The following MED13L variants were observed in gnomAD, a reference collection of about 807,000 sequenced individuals.
MED13L encodes the protein mediator complex subunit 13L, also known as mediator of RNA polymerase II transcription subunit 13-like.
A neutral mutation model predicts 220.9 loss-of-function variants in MED13L; 7 were observed. That is an observed-to-expected ratio of 0.03 (90% CI 0.02 to 0.06). The LOEUF is 0.06. Among genes scored for constraint, MED13L ranks in the 10% least tolerant of loss-of-function variants. MED13L has a pLI of 1.00. For missense variants in MED13L, 1,965 were observed against 2,760.5 expected (o/e 0.71, Z 6.46); for synonymous variants, 1,011 against 1,015.2 (o/e 1.00, Z 0.08).
At position 116,124,152 on chromosome 12, in the gene MED13L, C is replaced by CAGAGACAGACAGAGAGAGACAGAG. The variant is rs1875363653; in HGVS notation, c.311-12641_311-12640insCTCTGTCTCTCTCTGTCTGTCTCT. ...AGAGAGAGAGAGAGAGAGAGAGAGA[C>CAGAGACAGACAGAGAGAGACAGAG]AGAGACAGAGAGAGACAGAGAGAGA... is the stretch of plus-strand genomic sequence containing the variant. On this transcript the variant is annotated intron_variant, in intron 2 of 30. Transcript: ENST00000281928. Among the ~76,000 whole-genome samples the CAGAGACAGACAGAGAGAGACAGAG allele has an allele frequency of 2.9e-4, 32 of 108,734 alleles. No homozygotes were observed. The South Asian group carries it at 3.9e-3, about 13-fold the overall frequency. 71.3% of individuals were successfully genotyped at this position (108,734 alleles called of 152,430 possible).
At chr12:116,025,137 C>T (rs1880310144) in intron 4 of MED13L, among the ~76,000 whole-genome samples, 1 of 152,092 alleles carries the variant, frequency 6.6e-6, no homozygotes, top group Non-Finnish European at 1.5e-5. Context: ...AAATGTTCAA[C>T]ATGAGTAATC....
chr12:116,137,515 TCA>T (rs1424502268), intron 2 of MED13L, among the ~76,000 whole-genome samples: 2 of 152,096 alleles, frequency 1.3e-5, no homozygotes, highest in Non-Finnish European at 2.9e-5. Flanking sequence ...CTTTGGAAAC[TCA>T]CGGGGTTTCA....
intron 4 of MED13L, among the ~76,000 whole-genome samples, chr12:116,068,201 T>C (rs1870098211): frequency 6.6e-6 from 1 of 152,140 alleles, no homozygotes; most frequent in South Asian, 2.1e-4. Context: ...TCTATGTGCC[T>C]GCCGTAATCA....
chr12:116,045,572 T>C (rs149606655), intron 4 of MED13L, among the ~76,000 whole-genome samples: 108 of 152,296 alleles, frequency 7.1e-4, no homozygotes, highest in Non-Finnish European at 1.3e-3. Flanking sequence ...TGGTATGACA[T>C]AAAATATGAG....
chr12:116,258,911 A>T (rs974040284), intron 1 of MED13L, among the ~76,000 whole-genome samples: 7 of 150,868 alleles, frequency 4.6e-5, no homozygotes, highest in Non-Finnish European at 7.4e-5. Flanking sequence ...AAATTTAAAT[A>T]TTGAGGGTTT....
At chr12:116,215,355 A>C (rs1392964811) in intron 2 of MED13L, among the ~76,000 whole-genome samples, 2 of 152,232 alleles carry the variant, frequency 1.3e-5, no homozygotes, top group African/African-American at 4.8e-5. Flanking sequence ...GAACCTTCAA[A>C]GCCTTTGTCC....
chr12:116,179,511 G>A (rs1162644517), intron 2 of MED13L, among the ~76,000 whole-genome samples: 1 of 151,928 alleles, frequency 6.6e-6, no homozygotes, highest in Non-Finnish European at 1.5e-5. Flanking sequence ...CAGCTACTTG[G>A]GAGGCTGAGG....
intron 4 of MED13L, among the ~76,000 whole-genome samples, chr12:116,073,742 AT>A (rs948226770): frequency 2.0e-5 from 3 of 152,178 alleles, no homozygotes; most frequent in Non-Finnish European, 2.9e-5. Flanking sequence ...CAGTAACTAA[AT>A]TTTTGAAATC....
At chr12:116,168,278 C>T (rs1879429230) in intron 2 of MED13L, among the ~76,000 whole-genome samples, 1 of 151,664 alleles carries the variant, frequency 6.6e-6, no homozygotes, top group Admixed American at 6.6e-5. Context: ...AAGTAACATG[C>T]CTTTTATTTA....
chr12:116,176,094 G>C (rs1880044037), intron 2 of MED13L, among the ~76,000 whole-genome samples: 1 of 152,096 alleles, frequency 6.6e-6, no homozygotes, highest in African/African-American at 2.4e-5. Flanking sequence ...AGTGGATCAG[G>C]AATAAAACTG....
intron 4 of MED13L, among the ~76,000 whole-genome samples, chr12:116,070,545 G>A (rs1265875478): frequency 6.6e-6 from 1 of 152,104 alleles, no homozygotes; most frequent in Non-Finnish European, 1.5e-5. Flanking sequence ...TCGAATGCAG[G>A]CAGTCTAGCC....
At chr12:116,239,270 T>A (rs549827204) in intron 1 of MED13L, among the ~76,000 whole-genome samples, 74 of 152,336 alleles carry the variant, frequency 4.9e-4, no homozygotes, top group Admixed American at 2.0e-3. Flanking sequence ...ATATGTTTAG[T>A]AAAAAGCTGG....
chr12:115,968,861 C>G (rs1242170791), intron 28 of MED13L, 79 bp downstream of exon 28: 4 of 1,554,618 alleles, frequency 2.6e-6, no homozygotes, highest in Non-Finnish European at 3.5e-6. Flanking sequence ...CAAGTAGGAA[C>G]AAGATGATCA....
chr12:116,089,281 C>G (rs1871982122), intron 4 of MED13L, among the ~76,000 whole-genome samples: 1 of 152,164 alleles, frequency 6.6e-6, no homozygotes, highest in South Asian at 2.1e-4. Context: ...AACTCCTGAA[C>G]TCCTGGGCTC....
intron 23 of MED13L, among the ~76,000 whole-genome samples, chr12:115,978,609 G>A (rs1317864811): frequency 6.6e-6 from 1 of 152,144 alleles, no homozygotes; most frequent in Non-Finnish European, 1.5e-5. Context: ...TTATAGGCAT[G>A]AGCCACCGCG....
chr12:116,038,032 G>A (rs1881289331), intron 4 of MED13L, among the ~76,000 whole-genome samples: 1 of 152,156 alleles, frequency 6.6e-6, no homozygotes, highest in Non-Finnish European at 1.5e-5. Flanking sequence ...AGATTATCTA[G>A]TCACAGTCTC....
At position 115,968,922 on chromosome 12, in the gene MED13L, A is replaced by G; in HGVS notation, c.6225+18T>C. On this transcript the variant is annotated intron_variant, in intron 28 of 30. Transcript: ENST00000281928. ...AGGCTATGGTTGTCTTAAACAACGT[A>G]CTCCAAATCATCCTTACCCGACTAT... 1.2e-6 allele frequency: 2 copies of G among 1,613,802 alleles called. No homozygotes were observed. The highest frequency in any genetic ancestry group is 1.7e-6 in the Non-Finnish European group (2 of 1,179,776).
At chr12:116,254,886 G>A (rs902521517) in intron 1 of MED13L, among the ~76,000 whole-genome samples, 1 of 152,166 alleles carries the variant, frequency 6.6e-6, no homozygotes, top group African/African-American at 2.4e-5. Context: ...GAACAATGTT[G>A]AGAGAAATTA....
At chr12:116,033,370 T>C (rs944574656) in intron 4 of MED13L, among the ~76,000 whole-genome samples, 1 of 152,170 alleles carries the variant, frequency 6.6e-6, no homozygotes, top group African/African-American at 2.4e-5. Flanking sequence ...TAAAAATTAT[T>C]AAACTATTTT....
Sources: gnomAD v4.1 joint callset for allele counts (sites outside exome capture counted in the v4.1 genomes callset) on GRCh38, gnomAD v4.1.1 for gene constraint, MANE v1.5 for transcripts, NCBI Gene and HGNC (gene_info 2026-07-23, HGNC 2026-07-21) for gene names.